SMARCA2: variants seen among roughly 807,000 people sequenced by gnomAD.
SMARCA2 encodes the protein SWI/SNF related BAF chromatin remodeling complex subunit ATPase 2, also known as SWI/SNF-related matrix-associated actin-dependent regulator of chromatin subfamily A member 2.
SMARCA2 carries 61 observed loss-of-function variants against 199.8 expected under a neutral mutation model. That is an observed-to-expected ratio of 0.31 (90% CI 0.25 to 0.38). SMARCA2 has a LOEUF of 0.38. SMARCA2 is among the 10% of genes least tolerant of loss of function. The pLI, the probability that SMARCA2 is intolerant of heterozygous loss-of-function variation, is 1.00. For synonymous variants in SMARCA2, 935 were observed against 732.0 expected, an observed-to-expected ratio of 1.28 and a Z score of -4.48; for missense variants, 1,344 against 2,012.2, an observed-to-expected ratio of 0.67 and a Z score of 6.35.
chr9:2,116,063 C>T lies in SMARCA2; in HGVS notation c.3684+14C>T. 1.3e-6 allele frequency: 2 copies of T among 1,579,740 alleles called. No homozygotes were observed. The highest frequency in any genetic ancestry group is 1.7e-6 in the Non-Finnish European group (2 of 1,150,152). Reference sequence around the variant, plus strand: ...GAGGAAAATGAGGTATTAGAGAAAACCCCAAGTTTATGAAATCAAACAGTG... The same window carrying T: ...GAGGAAAATGAGGTATTAGAGAAAATCCCAAGTTTATGAAATCAAACAGTG... On this transcript the variant is annotated intron_variant, in intron 25 of 33. Coordinates refer to ENST00000349721, the MANE Select transcript of SMARCA2 (RefSeq NM_003070.5).
chr9:2,161,941 C>A lies in SMARCA2; in HGVS notation c.4199+38C>A. 6.4e-7 allele frequency: 1 copy of A among 1,557,256 alleles called. No individual in the cohort carries two copies. The highest frequency in any genetic ancestry group is 8.8e-7 in the Non-Finnish European group (1 of 1,132,004). On this transcript the variant is annotated intron_variant, in intron 28 of 33. Coordinates refer to ENST00000349721, the MANE Select transcript of SMARCA2 (RefSeq NM_003070.5). This position sits in a 1 kb window ranked among gnomAD's most constrained non-coding sequence, Gnocchi z 4.7. ...TTCCTTCACCTTGATCATCTCTCAC[C>A]AAGACGCCGAGTGGCGCTCCCTGAG...
At chr9:2,040,924 C>T (rs2130256140) in intron 4 of SMARCA2, 1 of 154,902 alleles carries the variant, frequency 6.5e-6, no homozygotes, top group East Asian at 1.9e-4. Flanking sequence ...ACTGGAAAAG[C>T]AGAGATTGTA....
intron 27 of SMARCA2, among the ~76,000 whole-genome samples, chr9:2,127,989 T>C (rs529504612): frequency 3.7e-4 from 57 of 152,296 alleles, no homozygotes; most frequent in Non-Finnish European, 8.1e-4. Flanking sequence ...GTATTTTACA[T>C]TGTTTTGAAA....
chr9:2,172,438 G>A lies in SMARCA2; in HGVS notation c.4253+1966G>A, dbSNP rs373227593. Among the ~76,000 whole-genome samples the A allele has an allele frequency of 6.6e-5, 10 of 151,790 alleles. 1 individual carries two copies. The highest frequency in any genetic ancestry group is 3.9e-4 in the East Asian group (2 of 5,138). ...ACAGACGGGTGAAGGGAGGATGGGT[G>A]GGGGGGCAGAGCTTGTGGTGGTATG... On this transcript the variant is annotated intron_variant, in intron 29 of 33. Coordinates refer to ENST00000349721, the MANE Select transcript of SMARCA2 (RefSeq NM_003070.5).
rs564932764 is a variant in SMARCA2, at chr9:2,151,204, G to A, written c.3982-10482G>A. Among the ~76,000 whole-genome samples the A allele has an allele frequency of 5.8e-4, 88 of 151,520 alleles. 2 individuals are homozygous for A. The highest frequency in any genetic ancestry group is 1.1e-3 in the Non-Finnish European group (76 of 67,724). ...TGATTTGTTAGCGAGCGTCTGTTCAGTTCATGCACAGACAGCAAAGTATGT... is the reference window on the plus strand; with the variant it reads ...TGATTTGTTAGCGAGCGTCTGTTCAATTCATGCACAGACAGCAAAGTATGT... On this transcript the variant is annotated intron_variant, in intron 27 of 33. Coordinates refer to ENST00000349721, the MANE Select transcript of SMARCA2 (RefSeq NM_003070.5).
intron 1 of SMARCA2, among the ~76,000 whole-genome samples, chr9:2,021,071 C>T (rs904446139): frequency 3.3e-5 from 5 of 152,018 alleles, no homozygotes; most frequent in Non-Finnish European, 7.4e-5. Flanking sequence ...TTTTTAAAAC[C>T]ACAATATTCT....
At position 2,182,123 on chromosome 9, in the gene SMARCA2, C is replaced by G. The variant is rs749612771; in HGVS notation, c.4360-18C>G. 6.6e-7 allele frequency: 1 copy of G among 1,508,358 alleles called. No homozygotes were observed. The highest frequency in any genetic ancestry group is 1.7e-5 in the Admixed American group (1 of 58,638). 93.4% of individuals were successfully genotyped at this position (1,508,358 alleles called of 1,614,324 possible). ...CTCTCCCTCTTTTTTTCTCCATTTT[C>G]TCCAAAATTTCCATCAGGAAAGGAT... On this transcript the variant is annotated intron_variant, in intron 30 of 33. Coordinates refer to ENST00000349721, the MANE Select transcript of SMARCA2 (RefSeq NM_003070.5).
intron 10 of SMARCA2, among the ~76,000 whole-genome samples, chr9:2,072,456 G>C (rs1158599069): frequency 6.6e-6 from 1 of 152,210 alleles, no homozygotes; most frequent in African/African-American, 2.4e-5. Context: ...CAGAGGAGCA[G>C]AGCTTTTTTC....
intron 28 of SMARCA2, among the ~76,000 whole-genome samples, chr9:2,168,295 G>A (rs1462508402): frequency 6.6e-6 from 1 of 152,170 alleles, no homozygotes; most frequent in African/African-American, 2.4e-5. Context: ...ACAGGCGTGA[G>A]CCACCATGCC....
At chr9:2,046,108 A>G (rs897815237) in intron 4 of SMARCA2, 1 of 152,116 alleles carries the variant, frequency 6.6e-6, no homozygotes, top group East Asian at 1.9e-4. Context: ...ATTTTTTCTT[A>G]GAAAGGATTT....
chr9:2,043,828 C>T (rs1819718263), intron 4 of SMARCA2: 1 of 152,226 alleles, frequency 6.6e-6, no homozygotes, highest in South Asian at 2.1e-4. Flanking sequence ...TGCGCTGGGA[C>T]TCCCTTCTGG....
At chr9:2,041,201 C>T (rs972420085) in intron 4 of SMARCA2, 4 of 396,438 alleles carry the variant, frequency 1.0e-5, no homozygotes, top group Non-Finnish European at 8.9e-6. Flanking sequence ...CAAGAGTAGG[C>T]CTACCTAAGA....
chr9:2,058,418 A>G lies in SMARCA2; in HGVS notation c.1475A>G (p.Lys492Arg). 6.2e-7 allele frequency: 1 copy of G among 1,614,194 alleles called. No individual in the cohort carries two copies. The highest frequency in any genetic ancestry group is 1.1e-5 in the South Asian group (1 of 91,088). ...CATGCCAACACTGAAAGAGAGCAGA[A>G]GAAGGAGACAGAGCGGATTGAAAAG... is the stretch of plus-strand genomic sequence containing the variant. Reference protein sequence around the residue: ...TWHANTEREQKKETERIEKER... With the variant: ...TWHANTEREQRKETERIEKER... The change falls in exon 8 of 34, where the codon AAG (lysine) becomes AGG (arginine). Residue 492 changes from lysine (K) to arginine (R), a missense_variant. Physicochemically the swap from Lys to Arg is conservative, Grantham distance 26. This residue lies in a region of SMARCA2 where 155 missense variants were observed against 260.0 expected (regional missense o/e 0.60). Coordinates refer to ENST00000349721, the MANE Select transcript of SMARCA2 (RefSeq NM_003070.5).
chr9:2,181,791 C>T (rs1349862554), intron 30 of SMARCA2, 115 bp downstream of exon 30: 1 of 659,826 alleles, frequency 1.5e-6, no homozygotes, highest in East Asian at 2.7e-5. Flanking sequence ...GGGCTCGCGA[C>T]AGGAAAGGTT....
At chr9:2,070,503 T>A (rs915775417) in intron 10 of SMARCA2, 32 bp downstream of exon 10, 12 of 1,554,270 alleles carry the variant, frequency 7.7e-6, no homozygotes, top group African/African-American at 4.1e-5. Context: ...CACTGTGTTC[T>A]GCTGAATGGA....
chr9:2,073,440 G>A, intron 11 of SMARCA2, 98 bp downstream of exon 11: 4 of 1,528,704 alleles, frequency 2.6e-6, no homozygotes, highest in Non-Finnish European at 3.6e-6. Context: ...CCTTTGCTGA[G>A]ATGGTTGAAG....
rs1819921734 is a variant in SMARCA2, at chr9:2,047,544, G to C, written c.1046+60G>C. 4 of 1,237,400 alleles carry C rather than the reference G, an allele frequency of 3.2e-6. No homozygotes were observed. The Admixed American group carries it at 1.6e-4, about 49-fold the overall frequency. 76.7% of individuals were successfully genotyped at this position (1,237,400 alleles called of 1,614,324 possible). On this transcript the variant is annotated intron_variant, in intron 5 of 33. Transcript: ENST00000349721. ...TGTGCTAGCACCTGCCGCCCAAGCC[G>C]AGGGGGGTGAGGCGCCTGCCTCCTT...
chr9:2,032,342 T>C (rs1819106924), intron 2 of SMARCA2, among the ~76,000 whole-genome samples: 1 of 152,228 alleles, frequency 6.6e-6, no homozygotes, highest in Admixed American at 6.5e-5. Context: ...CCTGTGTTCG[T>C]TTATTTCCAA....
Position 2,054,046 on chromosome 9 carries a change from C to G in SMARCA2, c.1047-551C>G, listed in dbSNP as rs1005961146. ...TCACAGAGGAAGTGGTTGTGGCTGG[C>G]AGAGCGCTTTCTGAATGTTTAGGGT... On this transcript the variant is annotated intron_variant, in intron 5 of 33. Transcript: ENST00000349721. Among the ~76,000 whole-genome samples, 5 of 152,286 alleles carry G rather than the reference C, an allele frequency of 3.3e-5. No individual in the cohort carries two copies. In the South Asian group the frequency reaches 6.2e-4, roughly 19 times the overall value.
Sources: allele counts gnomAD v4.1 joint callset (sites outside exome capture counted in the v4.1 genomes callset), GRCh38; gene constraint gnomAD v4.1.1; regional missense constraint gnomAD v4.1.1; non-coding constraint Gnocchi (gnomAD v3.1); transcripts MANE v1.5; gene names NCBI Gene and HGNC (gene_info 2026-07-23, HGNC 2026-07-21).